Variants in DCDC2 observed in about 807,000 individuals in gnomAD.
DCDC2 encodes doublecortin domain containing 2, also known as doublecortin domain-containing protein 2.
DCDC2 carries 40 observed loss-of-function variants against 50.2 expected under a neutral mutation model. The observed-to-expected ratio is 0.80, with a 90% CI of 0.62 to 1.04. The LOEUF (loss-of-function observed/expected upper bound fraction) is 1.04. Ranked by LOEUF, DCDC2 falls within the 50% of genes least tolerant of loss-of-function variation. The pLI is 0.00. For synonymous variants in DCDC2, 234 were observed against 210.6 expected (o/e 1.11, Z -0.96); for missense variants, 570 against 581.9 (o/e 0.98, Z 0.21).
chr6:24,373,933 C>T, the DCDC2 span, among the ~76,000 whole-genome samples: 4 of 151,758 alleles, frequency 2.6e-5, no homozygotes, highest in East Asian at 3.9e-4. Context: ...GAGTCCGATG[C>T]GGGCAGATCA....
chr6:24,361,763 T>C (rs1760668598), upstream of DCDC2, among the ~76,000 whole-genome samples: 2 of 152,296 alleles, frequency 1.3e-5, no homozygotes, highest in South Asian at 4.1e-4. Flanking sequence ...AAACCAATCA[T>C]GGGGTCCTTC....
intron 7 of DCDC2, among the ~76,000 whole-genome samples, chr6:24,215,743 G>A (rs111890446): frequency 4.6e-3 from 702 of 152,316 alleles, no homozygotes; most frequent in Non-Finnish European, 7.7e-3. Context: ...CGAAGCATAG[G>A]AGTCTGCATC....
chr6:24,210,229 T>C (rs1192541262), intron 7 of DCDC2, among the ~76,000 whole-genome samples: 1 of 152,136 alleles, frequency 6.6e-6, no homozygotes, highest in East Asian at 1.9e-4. Flanking sequence ...CTTTCTAGAT[T>C]AATCTCATTT....
At chr6:24,209,658 A>G (rs16888894) in intron 7 of DCDC2, among the ~76,000 whole-genome samples, 10,273 of 152,280 alleles carry the variant, frequency 0.067, 611 homozygotes, top group East Asian at 0.36. Flanking sequence ...TCAACTGCTC[A>G]TGAAACGTCT....
chr6:24,180,526 G>A (rs1761047417), intron 8 of DCDC2, among the ~76,000 whole-genome samples: 1 of 151,736 alleles, frequency 6.6e-6, no homozygotes, highest in Non-Finnish European at 1.5e-5. Flanking sequence ...CTGACCTTGT[G>A]ATCCACCTGC....
intron 7 of DCDC2, among the ~76,000 whole-genome samples, chr6:24,263,074 C>T (rs911704468): frequency 4.6e-5 from 7 of 152,234 alleles, no homozygotes. Flanking sequence ...GGAAAAGAGT[C>T]TCTGCCTGGT....
Position 24,288,855 on chromosome 6 carries a change from C to G in DCDC2, c.756G>C (p.Gly252=), listed in dbSNP as rs1436725823. 1 of 1,611,166 alleles carries G rather than the reference C, an allele frequency of 6.2e-7. No individual in the cohort carries two copies. The highest frequency in any genetic ancestry group is 2.2e-5 in the East Asian group (1 of 44,762). The change falls in exon 6 of 10, where the codon GGG becomes GGC. Residue 252 remains glycine (G), a synonymous_variant. Transcript: ENST00000378454. ...PPIVGSRKSK[G]SGNDRHSKST... ...GAGGAAAGCATCTGATACTTACACT[C>G]CCTTTAGACTTTCTGGATCCTACAA...
intron 7 of DCDC2, among the ~76,000 whole-genome samples, chr6:24,207,252 A>T (rs374952736): frequency 0.034 from 3,032 of 90,242 alleles, 75 homozygotes; most frequent in African/African-American, 0.12. Flanking sequence ...CACTCCATCT[A>T]TCTTTCTCTC....
At chr6:24,355,780 G>A (rs571364927) in intron 1 of DCDC2, among the ~76,000 whole-genome samples, 5 of 152,128 alleles carry the variant, frequency 3.3e-5, no homozygotes, top group East Asian at 1.9e-4. Flanking sequence ...AATGTCTGAC[G>A]TAACAAAAAG....
Position 24,357,709 on chromosome 6 carries a change from G to A in DCDC2, c.42C>T (p.Pro14=), listed in dbSNP as rs1270753724. The change falls in exon 1 of 10, where the codon CCC becomes CCT. Residue 14 remains proline (P), a synonymous_variant. Coordinates refer to ENST00000378454, the MANE Select transcript of DCDC2 (RefSeq NM_016356.5). The part of the protein sequence containing the change: ...SSARSSHLSQ[P]VVKSVLVYRN... Reference sequence around the variant, plus strand: ...GGTACACAAGCACGCTCTTCACGACGGGCTGAGACAGGTGGCTGGACCTGG... The same window carrying A: ...GGTACACAAGCACGCTCTTCACGACAGGCTGAGACAGGTGGCTGGACCTGG... 10 of 1,612,694 alleles carry A rather than the reference G, an allele frequency of 6.2e-6. No homozygotes were observed. Among genetic ancestry groups the A allele is most frequent in the Admixed American group, 5.0e-5 (3 of 59,988 alleles).
chr6:24,234,025 T>C (rs1167408528), intron 7 of DCDC2, among the ~76,000 whole-genome samples: 2 of 152,086 alleles, frequency 1.3e-5, no homozygotes, highest in Non-Finnish European at 2.9e-5. Context: ...GAGATGCACA[T>C]AAAATGCAGA....
chr6:24,375,340 T>C, the DCDC2 span, among the ~76,000 whole-genome samples: 2 of 152,090 alleles, frequency 1.3e-5, no homozygotes. Context: ...GTCACTCATA[T>C]GGGGTGCTGC....
chr6:24,382,388 A>G, the DCDC2 span, among the ~76,000 whole-genome samples: 1 of 152,142 alleles, frequency 6.6e-6, no homozygotes, highest in Non-Finnish European at 1.5e-5. Flanking sequence ...TTTCATGTAC[A>G]TTAGTCAGAA....
At chr6:24,280,582 G>C (rs1190126562) in intron 6 of DCDC2, among the ~76,000 whole-genome samples, 2 of 151,900 alleles carry the variant, frequency 1.3e-5, no homozygotes, top group South Asian at 2.1e-4. Context: ...TGTCATCCAG[G>C]CTGGAGTAAA....
Position 24,357,746 on chromosome 6 carries a change from C to T in DCDC2, c.5G>A (p.Ser2Asn), listed in dbSNP as rs546437721. The T allele has an allele frequency of 1.9e-6, 3 of 1,612,394 alleles. No individual in the cohort carries two copies. The highest frequency in any genetic ancestry group is 1.7e-5 in the Admixed American group (1 of 59,990). Residue 2 changes from serine (S) to asparagine (N), a missense_variant, in exon 1 of 10, where the codon AGC becomes AAC. By Grantham distance (46) the Ser-to-Asn change is conservative (BLOSUM62 1). Transcript: ENST00000378454. The part of the protein sequence containing the change: M[S>N]GSSARSSHLS... ...GTGGCTGGACCTGGCGCTGCTGCCGCTCATCTTCCCCGCTGGCCGCCGCCT... is the reference window on the plus strand; with the variant it reads ...GTGGCTGGACCTGGCGCTGCTGCCGTTCATCTTCCCCGCTGGCCGCCGCCT...
chr6:24,285,535 T>A (rs776498814), intron 6 of DCDC2, among the ~76,000 whole-genome samples: 5 of 152,310 alleles, frequency 3.3e-5, no homozygotes, highest in African/African-American at 1.2e-4. Flanking sequence ...TTTGCGCTCA[T>A]TGCTGTATCC....
chr6:24,233,466 C>G (rs1762378436), intron 7 of DCDC2, among the ~76,000 whole-genome samples: 1 of 152,046 alleles, frequency 6.6e-6, no homozygotes, highest in South Asian at 2.1e-4. Context: ...TATCGTCATC[C>G]CCCAATGAGA....
chr6:24,380,497 C>T, the DCDC2 span, among the ~76,000 whole-genome samples: 4 of 152,212 alleles, frequency 2.6e-5, no homozygotes, highest in African/African-American at 9.6e-5. Context: ...GGAGATTTTA[C>T]GAGAGAGTTC....
the DCDC2 span, among the ~76,000 whole-genome samples, chr6:24,373,959 G>A: frequency 2.6e-5 from 4 of 151,836 alleles, no homozygotes; most frequent in African/African-American, 9.7e-5. Context: ...TCAGGAGATC[G>A]AGACCATCCT....
Sources: allele counts gnomAD v4.1 joint callset (sites outside exome capture counted in the v4.1 genomes callset), GRCh38; gene constraint gnomAD v4.1.1; transcripts MANE v1.5; gene names NCBI Gene and HGNC (gene_info 2026-07-23, HGNC 2026-07-21).